MYH6: variants seen among roughly 807,000 people sequenced by gnomAD.
MYH6 encodes myosin-6.
MYH6 carries 126 observed loss-of-function variants against 223.2 expected under a neutral mutation model. The observed-to-expected ratio is 0.56, with a 90% CI of 0.49 to 0.65. MYH6 has a LOEUF of 0.65. MYH6 is among the 30% of genes least tolerant of loss of function. The pLI is 0.00. For synonymous variants in MYH6, 978 were observed against 1,010.2 expected (o/e 0.97, Z 0.61); for missense variants, 2,040 against 2,536.4 (o/e 0.80, Z 4.20).
At chr14:23,404,851 C>G (rs756460739) in intron 6 of MYH6, 29 bp from the exon 7 acceptor site, 3 of 1,599,976 alleles carry the variant, frequency 1.9e-6, no homozygotes, top group Admixed American at 1.7e-5. Flanking sequence ...AATCAAAACT[C>G]AGGATTCCTA....
chr14:23,384,615 G>T lies in MYH6; in HGVS notation c.5392C>A (p.Arg1798=). 6.2e-7 allele frequency: 1 copy of T among 1,613,904 alleles called. No homozygotes were observed. Among genetic ancestry groups the T allele is most frequent in the Non-Finnish European group, 8.5e-7 (1 of 1,180,044 alleles). The change falls in exon 36 of 39, where the codon CGG becomes AGG. Residue 1798 remains arginine (R), a synonymous_variant. Transcript: ENST00000405093. ...MEQTIKDLQH[R]LDEAEQIALK... ...GCGATCTGCTCGGCCTCGTCCAGCC[G>T]GTGCTGCAGGTCCTTAATGGTCTGC...
In MYH6 at chr14:23,400,368, A is replaced by G; in HGVS notation, c.1469T>C (p.Phe490Ser). 6.2e-7 allele frequency: 1 copy of G among 1,614,180 alleles called. No individual in the cohort carries two copies. The highest frequency in any genetic ancestry group is 1.1e-5 in the South Asian group (1 of 91,068). ...NFTNEKLQQF[F>S]NHHMFVLEQE... ...CTCCAGCACGAACATGTGGTGGTTG[A>G]AGAACTGCTGCAGCTTCTCGTTGGT... The change falls in exon 14 of 39, where the codon TTC becomes TCC. Residue 490 changes from phenylalanine to serine, a missense_variant. Phe to Ser is a radical substitution (Grantham distance 155, BLOSUM62 -2). Transcript: ENST00000405093.
At position 23,392,642 on chromosome 14, in the gene MYH6, C is replaced by CA; in HGVS notation, c.3261dup (p.Asp1088Ter). ...ATCTTACTGTTCTGCTGATTAATGT[C>CA]AAACTCCTTCCTGCAGGAGAAGGGT... On this transcript the variant is annotated frameshift_variant, in exon 25 of 39. Transcript: ENST00000405093. LOFTEE classifies it high-confidence loss of function. 1 of 1,206,732 alleles carries CA rather than the reference C, an allele frequency of 8.3e-7. No homozygotes were observed. Among genetic ancestry groups the CA allele is most frequent in the South Asian group, 1.2e-5 (1 of 82,434 alleles). The allele number at this position is 1,206,732 out of a possible 1,614,324, so 74.8% of individuals were successfully genotyped here. A position where few individuals can be genotyped will look rare whatever the true frequency, so the allele number is the denominator to read the frequency against.
chr14:23,390,719 A>G (rs781608369), intron 25 of MYH6, among the ~76,000 whole-genome samples: 1 of 152,192 alleles, frequency 6.6e-6, no homozygotes, highest in Non-Finnish European at 1.5e-5. Context: ...TCCCAAGGGC[A>G]TCTCAGACCC....
chr14:23,405,102 G>A lies in MYH6; in HGVS notation c.528C>T (p.Ile176=). 6.2e-7 allele frequency: 1 copy of A among 1,614,088 alleles called. No homozygotes were observed. Among genetic ancestry groups the A allele is most frequent in the Non-Finnish European group, 8.5e-7 (1 of 1,180,044 alleles). ...GTGGGAGGATGGCACTCGCTCACGTGATGAGGATGGACTGGTTCTCCCGAT... is the reference window on the plus strand; with the variant it reads ...GTGGGAGGATGGCACTCGCTCACGTAATGAGGATGGACTGGTTCTCCCGAT... ...LTDRENQSIL[I]TGESGAGKTV... is the part of the protein sequence containing the mutation. The change falls in exon 6 of 39, where the codon ATC becomes ATT. Residue 176 remains isoleucine (I), a splice_region_variant and synonymous_variant. Coordinates refer to ENST00000405093, the MANE Select transcript of MYH6 (RefSeq NM_002471.4). This position sits in a 1 kb window ranked among gnomAD's most constrained non-coding sequence, Gnocchi z 4.7.
At chr14:23,395,620 G>A (rs964866575) in intron 20 of MYH6, among the ~76,000 whole-genome samples, 2 of 151,874 alleles carry the variant, frequency 1.3e-5, no homozygotes, top group Admixed American at 6.6e-5. Context: ...TCTGCCTCCC[G>A]GGCTCATGCC....
In MYH6 at chr14:23,383,339, G is replaced by GGGGGGGGCCCCCCC; in HGVS notation, c.5566-20_5566-19insGGGGGGGCCCCCCC. 2 of 108,152 alleles carry GGGGGGGGCCCCCCC rather than the reference G, an allele frequency of 1.8e-5. No individual in the cohort carries two copies. The highest frequency in any genetic ancestry group is 3.7e-5 in the Non-Finnish European group (2 of 54,358). The allele number at this position is 108,152 out of a possible 1,614,324, so 6.7% of individuals were successfully genotyped here. On this transcript the variant is annotated intron_variant, in intron 36 of 38. Transcript: ENST00000405093. Reference sequence around the variant, plus strand: ...CCTCTGTCTGGGGGTGGGAGGGTGGGAGAAGCTGGTTTGGAGGGGGAGCAA... The same window carrying GGGGGGGGCCCCCCC: ...CCTCTGTCTGGGGGTGGGAGGGTGGGGGGGGGGCCCCCCCAGAAGCTGGTTTGGAGGGGGAGCAA...
chr14:23,390,669 C>T (rs184590653), intron 25 of MYH6, among the ~76,000 whole-genome samples: 48 of 152,226 alleles, frequency 3.2e-4, no homozygotes, highest in African/African-American at 7.7e-4. Flanking sequence ...TACTAAACAT[C>T]CTATAATGCA....
Position 23,405,832 on chromosome 14 carries a change from A to ACTG in MYH6, c.202-65_202-63dup. ...CAATCCCTCCGGGACCCTTGCCAGC[A>ACTG]CTGCCCACTGACCTCCTCCCAGGAC... On this transcript the variant is annotated intron_variant, in intron 3 of 38. Coordinates refer to ENST00000405093, the MANE Select transcript of MYH6 (RefSeq NM_002471.4). This position sits in a 1 kb window ranked among gnomAD's most constrained non-coding sequence, Gnocchi z 4.7. 1 of 1,607,790 alleles carries ACTG rather than the reference A, an allele frequency of 6.2e-7. No homozygotes were observed. Among genetic ancestry groups the ACTG allele is most frequent in the Non-Finnish European group, 8.5e-7 (1 of 1,174,542 alleles).
At position 23,393,819 on chromosome 14, in the gene MYH6, A is replaced by G. The variant is rs1595056516; in HGVS notation, c.2775T>C (p.Asn925=). The G allele has an allele frequency of 5.0e-6, 8 of 1,614,124 alleles. No homozygotes were observed. Among genetic ancestry groups the G allele is most frequent in the Non-Finnish European group, 6.8e-6 (8 of 1,180,018 alleles). The change falls in exon 22 of 39, where the codon AAT becomes AAC. Residue 925 remains asparagine (N), a synonymous_variant. Coordinates refer to ENST00000405093, the MANE Select transcript of MYH6 (RefSeq NM_002471.4). ...TCTCCTCCTCATCCTCCAGCCTCTC[A>G]TTCATCTCCTTTACTTTGGCCTCCA... ...IQLEAKVKEM[N]ERLEDEEEMN...
chr14:23,404,467 G>C, intron 7 of MYH6, 79 bp from the exon 8 acceptor site: 1 of 1,522,950 alleles, frequency 6.6e-7, no homozygotes, highest in Non-Finnish European at 9.1e-7. Context: ...AGGCTGCCCT[G>C]GCCCTGAGGA....
At chr14:23,389,311 G>A in intron 28 of MYH6, 82 bp downstream of exon 28, 1 of 1,490,140 alleles carries the variant, frequency 6.7e-7, no homozygotes, top group Non-Finnish European at 9.3e-7. Context: ...ACTCTTTCCA[G>A]CTCCAGGCTC....
intron 19 of MYH6, 114 bp downstream of exon 19, chr14:23,396,580 C>T (rs1566511404): frequency 1.9e-6 from 3 of 1,596,994 alleles, no homozygotes; most frequent in East Asian, 4.5e-5. Flanking sequence ...GGGTTTCAGC[C>T]CTTGATAAGG....
chr14:23,401,662 T>A (rs923965132), intron 12 of MYH6, among the ~76,000 whole-genome samples: 2 of 152,232 alleles, frequency 1.3e-5, no homozygotes, highest in African/African-American at 4.8e-5. Flanking sequence ...CTGCTCCCTG[T>A]CTCCTTCGTT....
At chr14:23,402,822 G>A in intron 10 of MYH6, 22 bp from the exon 11 acceptor site, 1 of 1,606,012 alleles carries the variant, frequency 6.2e-7, no homozygotes, top group Non-Finnish European at 8.5e-7. Context: ...AAGGGGTGAG[G>A]CAGGGGCAAG....
chr14:23,387,231 T>C (rs1341271446), intron 32 of MYH6, among the ~76,000 whole-genome samples: 1 of 152,198 alleles, frequency 6.6e-6, no homozygotes, highest in East Asian at 1.9e-4. Flanking sequence ...CAGGCCTGTT[T>C]GACTCTGGAA....
chr14:23,402,436 C>T (rs752221002), intron 12 of MYH6, 28 bp downstream of exon 12: 10 of 1,611,432 alleles, frequency 6.2e-6, no homozygotes, highest in Admixed American at 1.7e-5. Context: ...CTCAGGCCTT[C>T]CCAGGGCTGC....
Position 23,394,166 on chromosome 14 carries a change from C to A in MYH6, c.2587G>T (p.Glu863Ter). ...CGAGCCTCGGACTTCTCCAGCGTCT[C>A]TTTGATGCGCCCGAACTCTTCCTTC... ...TMKEEFGRIK[E>*]TLEKSEARRK... The change falls in exon 21 of 39, where the codon GAG becomes TAG. Residue 863 changes from glutamate (E) to a stop codon, truncating the protein, a stop_gained. Coordinates refer to ENST00000405093, the MANE Select transcript of MYH6 (RefSeq NM_002471.4). LOFTEE classifies it high-confidence loss of function. The A allele has an allele frequency of 6.2e-7, 1 of 1,614,242 alleles. No individual in the cohort carries two copies. Among genetic ancestry groups the A allele is most frequent in the Non-Finnish European group, 8.5e-7 (1 of 1,180,048 alleles).
chr14:23,394,618 G>A (rs941955787), intron 20 of MYH6, among the ~76,000 whole-genome samples: 5 of 152,172 alleles, frequency 3.3e-5, no homozygotes, highest in Admixed American at 6.5e-5. Context: ...TAAAAATTAT[G>A]TAGGGGTTTA....
Sources: gnomAD v4.1 joint callset for allele counts (sites outside exome capture counted in the v4.1 genomes callset) on GRCh38, gnomAD v4.1.1 for gene constraint, Gnocchi (gnomAD v3.1) non-coding constraint, MANE v1.5 for transcripts, NCBI Gene and HGNC (gene_info 2026-07-23, HGNC 2026-07-21) for gene names.